SERAC1: variants seen among roughly 807,000 people sequenced by gnomAD.
SERAC1 encodes serine active site containing 1, also known as protein SERAC1.
In SERAC1, 36 loss-of-function variants were observed where a neutral mutation model predicts 85.7. That is an observed-to-expected ratio of 0.42 (90% CI 0.32 to 0.55). SERAC1 has a LOEUF of 0.55. Among genes scored for constraint, SERAC1 ranks in the 20% least tolerant of loss-of-function variants. The pLI, the probability that SERAC1 is intolerant of heterozygous loss-of-function variation, is 0.11. For missense variants in SERAC1, 629 were observed against 796.2 expected (o/e 0.79, Z 2.53); for synonymous variants, 242 against 265.3 (o/e 0.91, Z 0.85).
At chr6:158,143,330 TCTCTCTCTCTCTCTCTCTATATATA>T in intron 7 of SERAC1, 146 bp from the exon 8 acceptor site, 1 of 176,566 alleles carries the variant, frequency 5.7e-6, no homozygotes, top group Non-Finnish European at 9.4e-6. Flanking sequence ...TCTCTCTCTC[TCTCTCTCTCTCTCTCTCTATATATA>T]TATATATATA....
In SERAC1 at chr6:158,155,303, T is replaced by C; in HGVS notation, c.128+12A>G. 6.5e-7 allele frequency: 1 copy of C among 1,535,408 alleles called. No individual in the cohort carries two copies. The highest frequency in any genetic ancestry group is 9.0e-7 in the Non-Finnish European group (1 of 1,110,072). ...AATGAAGCCAATTAATATTCCACAG[T>C]TGACGACTTACCCTAAAATAAGTGA... On this transcript the variant is annotated intron_variant, in intron 3 of 16. Transcript: ENST00000647468.
chr6:158,138,846 C>G (rs944916129), intron 8 of SERAC1, among the ~76,000 whole-genome samples: 1 of 152,084 alleles, frequency 6.6e-6, no homozygotes, highest in African/African-American at 2.4e-5. Flanking sequence ...AGGTTTGACA[C>G]CAACAGCACA....
In SERAC1 at chr6:158,117,338, C is replaced by A. The variant is rs1219419279; in HGVS notation, c.1403+389G>T. ...GTATACAACTGGCACAGATGACATA[C>A]AAGGGAAATAGCAGCTGATATTTCT... On this transcript the variant is annotated intron_variant, in intron 13 of 16. Coordinates refer to ENST00000647468, the MANE Select transcript of SERAC1 (RefSeq NM_032861.4). This position sits in a 1 kb window ranked among gnomAD's most constrained non-coding sequence, Gnocchi z 4.3. The A allele has an allele frequency of 8.0e-6, 5 of 627,836 alleles. No homozygotes were observed. 38.9% of individuals were successfully genotyped at this position (627,836 alleles called of 1,614,324 possible). A position where few individuals can be genotyped will look rare whatever the true frequency, so the allele number is the denominator to read the frequency against.
At chr6:158,157,869 A>T (rs1785392458) in intron 2 of SERAC1, among the ~76,000 whole-genome samples, 1 of 152,186 alleles carries the variant, frequency 6.6e-6, no homozygotes, top group South Asian at 2.1e-4. Context: ...TTCCTAAACG[A>T]AGGCAAGGCT....
chr6:158,115,335 T>C (rs533691735), intron 14 of SERAC1, among the ~76,000 whole-genome samples: 7 of 152,310 alleles, frequency 4.6e-5, no homozygotes, highest in Admixed American at 1.3e-4. Context: ...AGACCGCTGA[T>C]GACCACACTG....
rs940965349 is a variant in SERAC1, at chr6:158,145,089, C to T, written c.488-669G>A. On this transcript the variant is annotated intron_variant, in intron 6 of 16. Transcript: ENST00000647468. ...TGAAACCCTGTCTCTACTAAAAATACAAAAATTAGCCAGGCGTGGTGGCAG... is the reference window on the plus strand; with the variant it reads ...TGAAACCCTGTCTCTACTAAAAATATAAAAATTAGCCAGGCGTGGTGGCAG... Among the ~76,000 whole-genome samples, 4 of 152,094 alleles carry T rather than the reference C, an allele frequency of 2.6e-5. No homozygotes were observed. The South Asian group carries it at 8.3e-4, about 32-fold the overall frequency.
intron 1 of SERAC1, among the ~76,000 whole-genome samples, chr6:158,167,822 T>C (rs1164335874): frequency 2.0e-5 from 3 of 151,988 alleles, no homozygotes; most frequent in Non-Finnish European, 4.4e-5. Context: ...CAGAAGTGAC[T>C]GGTGAGGCCC....
intron 16 of SERAC1, chr6:158,112,489 T>G (rs1784169672): frequency 6.6e-6 from 1 of 152,116 alleles, no homozygotes; most frequent in Non-Finnish European, 1.5e-5. Context: ...GCAGCTGTTC[T>G]TTGGAACTCT....
intron 8 of SERAC1, among the ~76,000 whole-genome samples, chr6:158,136,196 ATTAAC>A (rs1317917216): frequency 2.6e-5 from 4 of 152,352 alleles, no homozygotes; most frequent in Non-Finnish European, 5.9e-5. Flanking sequence ...AAAAATTTTA[ATTAAC>A]TTCAACTTTC....
chr6:158,131,909 T>A (rs1409802196), intron 8 of SERAC1, among the ~76,000 whole-genome samples: 3 of 152,214 alleles, frequency 2.0e-5, no homozygotes, highest in Non-Finnish European at 4.4e-5. Flanking sequence ...ATTTTGAGTC[T>A]CTTCTTACAC....
In SERAC1 at chr6:158,156,849, A is replaced by T. The variant is rs549696587; in HGVS notation, c.91+1424T>A. Among the ~76,000 whole-genome samples the T allele has an allele frequency of 2.0e-3, 189 of 93,302 alleles. 1 individual carries two copies. The highest frequency in any genetic ancestry group is 6.0e-3 in the South Asian group (19 of 3,146). The allele number at this position is 93,302 out of a possible 152,430, so 61.2% of individuals were successfully genotyped here. A position where few individuals can be genotyped will look rare whatever the true frequency, so the allele number is the denominator to read the frequency against. On this transcript the variant is annotated intron_variant, in intron 2 of 16. Transcript: ENST00000647468. ...TTAATATATTATATAAATATATTTT[A>T]TATATAATAAATATTAATATATTTA...
At chr6:158,128,708 G>A (rs975880725) in intron 9 of SERAC1, among the ~76,000 whole-genome samples, 7 of 152,164 alleles carry the variant, frequency 4.6e-5, no homozygotes, top group African/African-American at 1.7e-4. Context: ...GACTCACACA[G>A]GGCGAGACCA....
chr6:158,143,115 T>C lies in SERAC1; in HGVS notation c.679A>G (p.Ile227Val), dbSNP rs1784957521. 2 of 1,613,552 alleles carry C rather than the reference T, an allele frequency of 1.2e-6. No homozygotes were observed. The highest frequency in any genetic ancestry group is 1.7e-6 in the Non-Finnish European group (2 of 1,179,744). ...SLPQTELDECIQYFTSLALSE... is the reference protein window; with the variant it reads ...SLPQTELDECVQYFTSLALSE... ...AGAGCCAAAGATGTAAAATACTGGA[T>C]ACACTCATCTAGCTCTGTTTGAGGT... The change falls in exon 8 of 17, where the codon ATC (isoleucine) becomes GTC (valine). Residue 227 changes from isoleucine (I) to valine (V), a missense_variant. Transcript: ENST00000647468.
intron 9 of SERAC1, 37 bp from the exon 10 acceptor site, chr6:158,128,307 G>C: frequency 3.7e-6 from 6 of 1,604,936 alleles, no homozygotes; most frequent in Non-Finnish European, 5.1e-6. Context: ...CCTTGACATT[G>C]TACAAATTCA....
At chr6:158,164,813 G>A (rs1258633392) in intron 1 of SERAC1, among the ~76,000 whole-genome samples, 2 of 151,992 alleles carry the variant, frequency 1.3e-5, no homozygotes, top group African/African-American at 2.4e-5. Flanking sequence ...GTTAACTATG[G>A]GCACTTACAA....
chr6:158,168,007 G>T lies in SERAC1; in HGVS notation c.-2+133C>A, dbSNP rs12662156. ...CGCCCAGCCGAGCGTCAGCTGGTCG[G>T]TCCGGTCCGCGCGCCAGACGGCGGT... On this transcript the variant is annotated intron_variant, in intron 1 of 16. Transcript: ENST00000647468. 15,366 of 152,040 alleles carry T rather than the reference G, an allele frequency of 0.1. 987 individuals are homozygous for T. The highest frequency in any genetic ancestry group is 0.19 in the South Asian group (937 of 4,806). The allele number at this position is 152,040 out of a possible 1,614,324, so 9.4% of individuals were successfully genotyped here.
At chr6:158,146,247 C>T (rs144172696) in intron 6 of SERAC1, 86 of 152,350 alleles carry the variant, frequency 5.6e-4, no homozygotes, top group African/African-American at 1.9e-3. Flanking sequence ...CATTTTTGAG[C>T]TTATTCTTAC....
rs1299699387 is a variant in SERAC1 at position 158,128,198 on chromosome 6, T to C, written c.925A>G (p.Lys309Glu). ...QLLQRLYRLH[K>E]DCPKVQRNIM... The stretch of plus-strand genomic sequence containing the variant: ...TTTCTCTGTACTTTAGGGCAGTCCT[T>C]GTGAAGTCGGTACAGCCTCTGAAGT... Residue 309 changes from lysine to glutamate, a missense_variant, in exon 10 of 17, where the codon AAG becomes GAG. Coordinates refer to ENST00000647468, the MANE Select transcript of SERAC1 (RefSeq NM_032861.4). 1 of 1,614,034 alleles carries C rather than the reference T, an allele frequency of 6.2e-7. No homozygotes were observed. Among genetic ancestry groups the C allele is most frequent in the Non-Finnish European group, 8.5e-7 (1 of 1,179,996 alleles).
In SERAC1 at chr6:158,130,411, C is replaced by T. The variant is rs964880205; in HGVS notation, c.814G>A (p.Glu272Lys). The change falls in exon 9 of 17, where the codon GAA becomes AAA. Residue 272 changes from glutamate (E) to lysine (K), a missense_variant. Coordinates refer to ENST00000647468, the MANE Select transcript of SERAC1 (RefSeq NM_032861.4). ...ACTATAGCTTCTAAACAGAACATTTCCACTGTTGCTGAAGGAACTTCTCCA... is the reference window on the plus strand; with the variant it reads ...ACTATAGCTTCTAAACAGAACATTTTCACTGTTGCTGAAGGAACTTCTCCA... Reference protein sequence around the residue: ...SFGEVPSATVEMFCLEAIVKH... With the variant: ...SFGEVPSATVKMFCLEAIVKH... The T allele has an allele frequency of 2.5e-6, 4 of 1,600,528 alleles. No individual in the cohort carries two copies. Among genetic ancestry groups the T allele is most frequent in the Non-Finnish European group, 3.4e-6 (4 of 1,174,992 alleles).
Sources: gnomAD v4.1 joint callset for allele counts (sites outside exome capture counted in the v4.1 genomes callset) on GRCh38, gnomAD v4.1.1 for gene constraint, Gnocchi (gnomAD v3.1) non-coding constraint, MANE v1.5 for transcripts, NCBI Gene and HGNC (gene_info 2026-07-23, HGNC 2026-07-21) for gene names.